Variants in SH3D19 observed in about 807,000 individuals in gnomAD.
SH3D19 encodes the protein SH3 domain-containing protein 19.
In SH3D19, 58 loss-of-function variants were observed where a neutral mutation model predicts 112.1. The observed-to-expected ratio is 0.52, with a 90% confidence interval of 0.42 to 0.64. The LOEUF is 0.64. Among genes scored for constraint, SH3D19 ranks in the 30% least tolerant of loss-of-function variants. The pLI is 0.00. For missense variants in SH3D19, 1,090 were observed against 1,263.4 expected (o/e 0.86, Z 2.08); for synonymous variants, 391 against 448.5 (o/e 0.87, Z 1.62).
chr4:151,222,667 C>CTCTCTCT (rs386401881), intron 2 of SH3D19, among the ~76,000 whole-genome samples: 8 of 87,258 alleles, frequency 9.2e-5, no homozygotes, highest in Non-Finnish European at 1.8e-4. Context: ...CTCTCTCTCT[C>CTCTCTCT]TTTTTTTTTT....
At chr4:151,287,916 A>G (rs1774975424) in intron 1 of SH3D19, among the ~76,000 whole-genome samples, 1 of 152,210 alleles carries the variant, frequency 6.6e-6, no homozygotes, top group Non-Finnish European at 1.5e-5. Context: ...AATAAAAAGG[A>G]TATACCATAA....
At chr4:151,130,451 A>G (rs1013741205) in intron 17 of SH3D19, among the ~76,000 whole-genome samples, 3 of 152,012 alleles carry the variant, frequency 2.0e-5, no homozygotes, top group African/African-American at 4.8e-5. Flanking sequence ...ACAAAACAAA[A>G]CAAAACAAAA....
chr4:151,233,333 T>C (rs1769759596), intron 1 of SH3D19, among the ~76,000 whole-genome samples: 1 of 152,102 alleles, frequency 6.6e-6, no homozygotes, highest in Non-Finnish European at 1.5e-5. Flanking sequence ...ACCTGGTCCA[T>C]GGAAAAATTG....
chr4:151,247,875 C>T (rs774334229), intron 1 of SH3D19, among the ~76,000 whole-genome samples: 1 of 152,160 alleles, frequency 6.6e-6, no homozygotes, highest in Non-Finnish European at 1.5e-5. Context: ...TCTTATAGCT[C>T]ATTAAAGCTA....
intron 1 of SH3D19, among the ~76,000 whole-genome samples, chr4:151,283,481 G>C (rs1774443609): frequency 6.7e-6 from 1 of 148,528 alleles, no homozygotes; most frequent in Non-Finnish European, 1.5e-5. Flanking sequence ...TATTGATCTA[G>C]ACCAATACTA....
chr4:151,159,686 C>T (rs956330409), intron 8 of SH3D19, among the ~76,000 whole-genome samples: 1 of 152,078 alleles, frequency 6.6e-6, no homozygotes. Context: ...TAGATTTGTC[C>T]AGTCCACTAG....
At chr4:151,292,128 T>A (rs1775383747) in intron 1 of SH3D19, among the ~76,000 whole-genome samples, 1 of 152,058 alleles carries the variant, frequency 6.6e-6, no homozygotes, top group African/African-American at 2.4e-5. Context: ...ACAGCCCCTG[T>A]CTCTACAAAA....
chr4:151,250,730 T>C (rs1211540955), intron 1 of SH3D19, among the ~76,000 whole-genome samples: 1 of 152,206 alleles, frequency 6.6e-6, no homozygotes, highest in East Asian at 1.9e-4. Flanking sequence ...TAACAGCTAT[T>C]AATTCTCAGA....
At chr4:151,210,346 G>A (rs1403496983) in intron 2 of SH3D19, among the ~76,000 whole-genome samples, 2 of 151,656 alleles carry the variant, frequency 1.3e-5, no homozygotes, top group South Asian at 2.1e-4. Context: ...TCATGTTATG[G>A]GAAAATGTTT....
At chr4:151,230,246 G>A (rs936346405) in intron 1 of SH3D19, among the ~76,000 whole-genome samples, 2 of 152,198 alleles carry the variant, frequency 1.3e-5, no homozygotes, top group African/African-American at 2.4e-5. Context: ...GTACGGCTAC[G>A]CAGATCCTAC....
chr4:151,300,536 C>T (rs954682977), intron 1 of SH3D19: 6 of 149,330 alleles, frequency 4.0e-5, no homozygotes, highest in Non-Finnish European at 5.9e-5. Context: ...GTCAGCAACA[C>T]GTATACTAAA....
intron 1 of SH3D19, among the ~76,000 whole-genome samples, chr4:151,240,860 G>T (rs999990097): frequency 5.9e-5 from 9 of 151,812 alleles, no homozygotes; most frequent in African/African-American, 2.2e-4. Flanking sequence ...AGCATTATTT[G>T]TAATAGCCAA....
intron 3 of SH3D19, among the ~76,000 whole-genome samples, chr4:151,179,679 G>C (rs1260604555): frequency 6.6e-6 from 1 of 152,136 alleles, no homozygotes; most frequent in African/African-American, 2.4e-5. Flanking sequence ...GAGAAAAGAA[G>C]ACAGCTATTA....
At chr4:151,228,098 G>A in intron 1 of SH3D19, 1 of 933,380 alleles carries the variant, frequency 1.1e-6, no homozygotes, top group Non-Finnish European at 1.3e-6. Flanking sequence ...TCTGCTCTAA[G>A]AAAATACAAA....
At chr4:151,228,626 G>A (rs536146555) in intron 1 of SH3D19, among the ~76,000 whole-genome samples, 1 of 152,180 alleles carries the variant, frequency 6.6e-6, no homozygotes, top group East Asian at 1.9e-4. Flanking sequence ...AATAATAAGT[G>A]GTTATTATTT....
intron 14 of SH3D19, among the ~76,000 whole-genome samples, chr4:151,137,286 G>C (rs1421548364): frequency 6.6e-6 from 1 of 151,982 alleles, no homozygotes; most frequent in Non-Finnish European, 1.5e-5. Flanking sequence ...TTTTTTTAAA[G>C]ATGGAGATAA....
chr4:151,296,506 AAC>A (rs1333541687), intron 1 of SH3D19, among the ~76,000 whole-genome samples: 2 of 152,162 alleles, frequency 1.3e-5, no homozygotes, highest in African/African-American at 2.4e-5. Context: ...TAAATAAATA[AAC>A]ACACAATAAA....
At chr4:151,143,075 A>G (rs960234495) in intron 12 of SH3D19, among the ~76,000 whole-genome samples, 4 of 152,060 alleles carry the variant, frequency 2.6e-5, no homozygotes, top group South Asian at 2.1e-4. Flanking sequence ...TGTCTCTACA[A>G]AAAATTTTAA....
At chr4:151,221,977 A>G (rs1181197403) in intron 2 of SH3D19, among the ~76,000 whole-genome samples, 1 of 152,204 alleles carries the variant, frequency 6.6e-6, no homozygotes, top group South Asian at 2.1e-4. Flanking sequence ...AGAGATATTT[A>G]TTGGCTATTA....
Sources: gnomAD v4.1 joint callset for allele counts (sites outside exome capture counted in the v4.1 genomes callset) on GRCh38, gnomAD v4.1.1 for gene constraint, MANE v1.5 for transcripts, NCBI Gene and HGNC (gene_info 2026-07-23, HGNC 2026-07-21) for gene names.